RBM47: variants seen among roughly 807,000 people sequenced by gnomAD.
The protein encoded by RBM47 is RNA binding motif protein 47.
In RBM47, 21 loss-of-function variants were observed where a neutral mutation model predicts 47.1. That is an observed-to-expected ratio of 0.45 (90% CI 0.32 to 0.64). The LOEUF is 0.64. RBM47 is among the 30% of genes least tolerant of loss of function. RBM47 has a pLI of 0.05. For missense variants in RBM47, 708 were observed against 870.9 expected (o/e 0.81, Z 2.35); for synonymous variants, 375 against 361.7 (o/e 1.04, Z -0.42).
At chr4:40,472,265 T>A (rs955708649) in intron 2 of RBM47, among the ~76,000 whole-genome samples, 2 of 152,180 alleles carry the variant, frequency 1.3e-5, no homozygotes, top group African/African-American at 2.4e-5. Flanking sequence ...AAATTTTATA[T>A]CGTCATTAAT....
intron 3 of RBM47, among the ~76,000 whole-genome samples, chr4:40,465,670 C>T (rs1184449972): frequency 6.6e-6 from 1 of 151,460 alleles, no homozygotes; most frequent in African/African-American, 2.4e-5. Flanking sequence ...CAGAGCGACA[C>T]TCCATCTCCA....
intron 3 of RBM47, among the ~76,000 whole-genome samples, chr4:40,441,324 C>T (rs1179033828): frequency 1.3e-5 from 2 of 151,306 alleles, no homozygotes; most frequent in African/African-American, 4.9e-5. Flanking sequence ...CACTATGTTA[C>T]CCCAGCTAGT....
intron 2 of RBM47, among the ~76,000 whole-genome samples, chr4:40,483,650 T>C (rs991091491): frequency 2.6e-5 from 4 of 152,170 alleles, no homozygotes; most frequent in African/African-American, 9.7e-5. Flanking sequence ...GAGCTGAGAT[T>C]GTGCCACTGG....
At position 40,424,442 on chromosome 4, in the gene RBM47, T is replaced by A. The variant is rs1714750222; in HGVS notation, c.*1462A>T. The stretch of plus-strand genomic sequence containing the variant: ...AGGCACAAAACACTGCAACAATACA[T>A]TAACTTCCTAATAAAACAAACCTTT... On this transcript the variant is annotated 3_prime_UTR_variant, in exon 7 of 7. Transcript: ENST00000295971. 6.6e-6 allele frequency: 1 copy of A among 152,646 alleles called. No homozygotes were observed. The highest frequency in any genetic ancestry group is 1.5e-5 in the Non-Finnish European group (1 of 68,052). The allele number at this position is 152,646 out of a possible 1,614,324, so 9.5% of individuals were successfully genotyped here.
At chr4:40,430,209 C>CAAAT (rs1715745888) in intron 6 of RBM47, among the ~76,000 whole-genome samples, 1 of 143,708 alleles carries the variant, frequency 7.0e-6, no homozygotes, top group Non-Finnish European at 1.5e-5. Context: ...AACAAACAAA[C>CAAAT]AAACAAACAA....
intron 2 of RBM47, among the ~76,000 whole-genome samples, chr4:40,510,509 A>G (rs1560433165): frequency 6.6e-6 from 1 of 151,898 alleles, no homozygotes; most frequent in Admixed American, 6.6e-5. Context: ...AGGCAAGCAT[A>G]AAACAAATAC....
intron 1 of RBM47, among the ~76,000 whole-genome samples, chr4:40,607,193 G>A (rs769000822): frequency 2.0e-5 from 3 of 152,140 alleles, no homozygotes; most frequent in Admixed American, 6.6e-5. Context: ...ATGAAGTATT[G>A]ATAGATGCCA....
At chr4:40,440,468 G>A (rs1713448075) in intron 3 of RBM47, among the ~76,000 whole-genome samples, 1 of 152,008 alleles carries the variant, frequency 6.6e-6, no homozygotes, top group Non-Finnish European at 1.5e-5. Context: ...TTTAGGACTA[G>A]GAGATGTATA....
chr4:40,535,027 G>A (rs766046685), intron 2 of RBM47, among the ~76,000 whole-genome samples: 21 of 151,920 alleles, frequency 1.4e-4, no homozygotes, highest in Non-Finnish European at 2.9e-4. Context: ...GACCTTGTGT[G>A]AGTTCCCTGT....
intron 1 of RBM47, among the ~76,000 whole-genome samples, chr4:40,564,279 G>A (rs895721673): frequency 2.6e-5 from 4 of 152,116 alleles, no homozygotes; most frequent in African/African-American, 7.2e-5. Context: ...TTCCTCTTCT[G>A]GCTGACTGGG....
chr4:40,529,478 T>C (rs570925571), intron 2 of RBM47, among the ~76,000 whole-genome samples: 43 of 121,248 alleles, frequency 3.5e-4, no homozygotes, highest in Middle Eastern at 0.013. Context: ...ATCGTGCCAC[T>C]GCACTCCAGC....
chr4:40,528,043 A>G (rs1211284587), intron 2 of RBM47, among the ~76,000 whole-genome samples: 1 of 152,224 alleles, frequency 6.6e-6, no homozygotes, highest in Admixed American at 6.5e-5. Context: ...ATACTTACGA[A>G]GTATTTCTTA....
chr4:40,573,769 GAA>G (rs1231441592), intron 1 of RBM47, among the ~76,000 whole-genome samples: 1 of 130,598 alleles, frequency 7.7e-6, no homozygotes, highest in Non-Finnish European at 1.6e-5. Flanking sequence ...GAGAGAGAGA[GAA>G]AGAAAGAAAG....
intron 1 of RBM47, among the ~76,000 whole-genome samples, chr4:40,593,956 G>A (rs1734518209): frequency 6.6e-6 from 1 of 151,914 alleles, no homozygotes; most frequent in South Asian, 2.1e-4. Flanking sequence ...AGGCTGAGAG[G>A]CAGGAGAATC....
chr4:40,573,317 A>T (rs983983365), intron 1 of RBM47, among the ~76,000 whole-genome samples: 3 of 151,940 alleles, frequency 2.0e-5, no homozygotes, highest in African/African-American at 7.2e-5. Context: ...GATTTTAATT[A>T]TCTCCTTTGT....
intron 3 of RBM47, among the ~76,000 whole-genome samples, chr4:40,460,762 C>T (rs574738347): frequency 5.1e-4 from 77 of 152,016 alleles, no homozygotes; most frequent in Admixed American, 2.6e-3. Flanking sequence ...GTGGCAGGCG[C>T]CTGTAGTCCC....
At chr4:40,476,601 C>G (rs931652078) in intron 2 of RBM47, among the ~76,000 whole-genome samples, 1 of 152,014 alleles carries the variant, frequency 6.6e-6, no homozygotes, top group Non-Finnish European at 1.5e-5. Flanking sequence ...GGCACTTAAG[C>G]TGAGTAAATA....
chr4:40,608,535 A>T (rs958752330), intron 1 of RBM47, among the ~76,000 whole-genome samples: 1 of 152,234 alleles, frequency 6.6e-6, no homozygotes, highest in African/African-American at 2.4e-5. Flanking sequence ...CCCAATCCAT[A>T]TCGAGTATTA....
chr4:40,551,771 C>T (rs1729590310), intron 1 of RBM47, among the ~76,000 whole-genome samples: 1 of 151,598 alleles, frequency 6.6e-6, no homozygotes, highest in Non-Finnish European at 1.5e-5. Context: ...GCCTCAGCCT[C>T]CCAAGTACCT....
Sources: allele counts gnomAD v4.1 joint callset (sites outside exome capture counted in the v4.1 genomes callset), GRCh38; gene constraint gnomAD v4.1.1; transcripts MANE v1.5; gene names NCBI Gene and HGNC (gene_info 2026-07-23, HGNC 2026-07-21).